Variants in THRB observed in about 807,000 individuals in gnomAD.
THRB encodes thyroid hormone receptor beta, also known as nuclear receptor subfamily 1 group A member 2.
THRB carries 12 observed loss-of-function variants against 47.8 expected under a neutral mutation model. The observed-to-expected ratio is 0.25, with a 90% confidence interval of 0.16 to 0.41. The LOEUF is 0.41. Among genes scored for constraint, THRB ranks in the 10% least tolerant of loss-of-function variants. THRB has a pLI of 1.00. For missense variants in THRB, 348 were observed against 589.2 expected, an observed-to-expected ratio of 0.59 and a Z score of 4.24; for synonymous variants, 218 against 212.2, an observed-to-expected ratio of 1.03 and a Z score of -0.24.
chr3:24,469,918 A>C (rs1213270419), intron 1 of THRB, among the ~76,000 whole-genome samples: 1 of 152,242 alleles, frequency 6.6e-6, no homozygotes, highest in Non-Finnish European at 1.5e-5. Flanking sequence ...GAAGACTGAC[A>C]CTTCAAATGA....
At chr3:24,398,893 C>T (rs1366059560) in intron 1 of THRB, among the ~76,000 whole-genome samples, 2 of 152,092 alleles carry the variant, frequency 1.3e-5, no homozygotes, top group Admixed American at 6.6e-5. Context: ...GAATACTATG[C>T]AGCCATAAAA....
rs546813547 is a variant in THRB at position 24,489,238 on chromosome 3, C to T, written c.-261+5414G>A. ...GCCTGGCAACAGAGCAAGACTCTGT[C>T]GCAAAAAAAAAATAAGAAAAAAAAA... On this transcript the variant is annotated intron_variant, in intron 1 of 10. Transcript: ENST00000646209. 1.2e-4 allele frequency among the ~76,000 whole-genome samples: 18 copies of T among 147,692 alleles called. No homozygotes were observed. In the East Asian group the frequency reaches 2.5e-3, roughly 21 times the overall value.
chr3:24,309,984 C>T (rs185306181), intron 2 of THRB, among the ~76,000 whole-genome samples: 7 of 152,238 alleles, frequency 4.6e-5, no homozygotes, highest in Admixed American at 1.3e-4. Flanking sequence ...GATTGTTTTG[C>T]GCAGACATCT....
At chr3:24,433,901 C>G (rs2070694194) in intron 1 of THRB, among the ~76,000 whole-genome samples, 1 of 152,182 alleles carries the variant, frequency 6.6e-6, no homozygotes, top group South Asian at 2.1e-4. Context: ...AGGGTCCTGA[C>G]AGCTGCTCGA....
chr3:24,183,370 T>TA (rs1253199702), intron 5 of THRB, among the ~76,000 whole-genome samples: 3 of 125,142 alleles, frequency 2.4e-5, no homozygotes, highest in Non-Finnish European at 3.3e-5. Flanking sequence ...TTTCTTTTCT[T>TA]TTTTTTTTTT....
intron 1 of THRB, chr3:24,455,501 A>G (rs2073084925): frequency 6.6e-6 from 1 of 152,184 alleles, no homozygotes; most frequent in Non-Finnish European, 1.5e-5. Context: ...CTGAGTTAAT[A>G]ATGGAAGCAC....
In THRB at chr3:24,265,919, A is replaced by C. The variant is rs189237593; in HGVS notation, c.-43+31307T>G. Among the ~76,000 whole-genome samples, 90 of 152,220 alleles carry C rather than the reference A, an allele frequency of 5.9e-4. 2 individuals are homozygous for C. In the East Asian group the frequency reaches 0.015, roughly 26 times the overall value. ...AGAACTATGCACAGATAAGCAAATT[A>C]GTATAAGAATATCAAAAATAATATG... On this transcript the variant is annotated intron_variant, in intron 3 of 10. Transcript: ENST00000646209.
At chr3:24,150,263 C>G (rs1216339325) in intron 6 of THRB, among the ~76,000 whole-genome samples, 1 of 152,154 alleles carries the variant, frequency 6.6e-6, no homozygotes, top group East Asian at 1.9e-4. Context: ...TTTTAAATTA[C>G]AGGTTTGAAT....
intron 1 of THRB, among the ~76,000 whole-genome samples, chr3:24,355,905 T>C (rs1197330259): frequency 2.0e-5 from 3 of 152,154 alleles, no homozygotes; most frequent in Admixed American, 6.5e-5. Context: ...TCTATTCCAA[T>C]GGTTCCCCAA....
chr3:24,168,554 G>A (rs2039989612), intron 5 of THRB, among the ~76,000 whole-genome samples: 1 of 147,066 alleles, frequency 6.8e-6, no homozygotes, highest in Non-Finnish European at 1.5e-5. Context: ...AATAATTATG[G>A]GTGAAACTTT....
chr3:24,192,939 G>A (rs1003887914), intron 4 of THRB, among the ~76,000 whole-genome samples: 3 of 152,110 alleles, frequency 2.0e-5, no homozygotes, highest in East Asian at 1.9e-4. Context: ...GAGAAGTCCC[G>A]GTTGGGTCAT....
intron 1 of THRB, among the ~76,000 whole-genome samples, chr3:24,394,483 G>C (rs2066805049): frequency 6.6e-6 from 1 of 152,086 alleles, no homozygotes; most frequent in Non-Finnish European, 1.5e-5. Flanking sequence ...CCTCCCTACA[G>C]CAGCACAGAA....
At chr3:24,477,816 A>G (rs1695716367) in intron 1 of THRB, among the ~76,000 whole-genome samples, 1 of 151,286 alleles carries the variant, frequency 6.6e-6, no homozygotes, top group Non-Finnish European at 1.5e-5. Context: ...TCCTTTCTCC[A>G]TAACCTACAC....
rs183938725 is a variant in THRB at position 24,190,453 on chromosome 3, C to T, written c.23-119G>A. 2,104 of 1,262,142 alleles carry T rather than the reference C, an allele frequency of 1.7e-3. 5 individuals carry two copies. The highest frequency in any genetic ancestry group is 1.7e-3 in the Non-Finnish European group (1,450 of 866,058). The allele number at this position is 1,262,142 out of a possible 1,614,324, so 78.2% of individuals were successfully genotyped here. A position where few individuals can be genotyped will look rare whatever the true frequency, so the allele number is the denominator to read the frequency against. The stretch of plus-strand genomic sequence containing the variant: ...CTTTTGGGCTGACAGTATTCACATG[C>T]CACTTGACGGGAGTGATAAGATGCA... On this transcript the variant is annotated intron_variant, in intron 4 of 10. Coordinates refer to ENST00000646209, the MANE Select transcript of THRB (RefSeq NM_001354712.2).
intron 1 of THRB, among the ~76,000 whole-genome samples, chr3:24,486,081 G>C (rs1183553500): frequency 6.6e-6 from 1 of 152,126 alleles, no homozygotes; most frequent in African/African-American, 2.4e-5. Context: ...CCTCCCAGTA[G>C]ACACCTGATA....
At chr3:24,329,727 G>C (rs2061798351) in intron 2 of THRB, among the ~76,000 whole-genome samples, 1 of 152,290 alleles carries the variant, frequency 6.6e-6, no homozygotes, top group Middle Eastern at 3.4e-3. Context: ...TTATATAACA[G>C]ACATTTGTTT....
intron 1 of THRB, among the ~76,000 whole-genome samples, chr3:24,487,815 A>G (rs1361088410): frequency 6.6e-6 from 1 of 152,248 alleles, no homozygotes; most frequent in African/African-American, 2.4e-5. Context: ...ACTATAAGAC[A>G]GAAATGTGCA....
intron 2 of THRB, among the ~76,000 whole-genome samples, chr3:24,310,611 T>C (rs1306773144): frequency 6.6e-6 from 1 of 152,208 alleles, no homozygotes; most frequent in Admixed American, 6.5e-5. Flanking sequence ...ATGCTGATGC[T>C]CCTGATTTGA....
intron 3 of THRB, among the ~76,000 whole-genome samples, chr3:24,245,023 G>A (rs4858597): frequency 0.86 from 131,445 of 152,200 alleles, 57,240 homozygotes; most frequent in African/African-American, 0.96. Flanking sequence ...AAAGGTCAGG[G>A]GGCTATCCAG....
Sources: gnomAD v4.1 joint callset for allele counts (sites outside exome capture counted in the v4.1 genomes callset) on GRCh38, gnomAD v4.1.1 for gene constraint, MANE v1.5 for transcripts, NCBI Gene and HGNC (gene_info 2026-07-23, HGNC 2026-07-21) for gene names.